The following ESRRB variants were observed in gnomAD, a reference collection of about 807,000 sequenced individuals.
ESRRB encodes steroid hormone receptor ERR2.
In ESRRB, 16 loss-of-function variants were observed where a neutral mutation model predicts 46.0. The observed-to-expected ratio is 0.35, with a 90% CI of 0.24 to 0.53. The LOEUF (loss-of-function observed/expected upper bound fraction) is 0.53, where lower values mean the gene tolerates loss of function less well. Ranked by LOEUF, ESRRB falls within the 20% of genes least tolerant of loss-of-function variation. The pLI is 0.93. For missense variants in ESRRB, 488 were observed against 607.4 expected (o/e 0.80, Z 2.07); for synonymous variants, 246 against 259.6 (o/e 0.95, Z 0.50).
At chr14:76,316,874 G>A (rs2139722606) in intron 1 of ESRRB, among the ~76,000 whole-genome samples, 1 of 152,272 alleles carries the variant, frequency 6.6e-6, no homozygotes, top group South Asian at 2.1e-4. Flanking sequence ...TATCTCTCCT[G>A]TGAATATTTC....
chr14:76,413,593 T>C (rs971236254), intron 1 of ESRRB, among the ~76,000 whole-genome samples: 2 of 152,152 alleles, frequency 1.3e-5, no homozygotes, highest in African/African-American at 2.4e-5. Context: ...GTCCCATGAA[T>C]GTGTGTGTGA....
intron 5 of ESRRB, among the ~76,000 whole-genome samples, chr14:76,491,019 T>C (rs924945556): frequency 2.6e-5 from 4 of 152,066 alleles, no homozygotes; most frequent in Admixed American, 2.6e-4. Flanking sequence ...AAGCCTCCCC[T>C]GGTTTGAGCA....
chr14:76,342,794 T>G (rs909989902), intron 1 of ESRRB, among the ~76,000 whole-genome samples: 1 of 152,230 alleles, frequency 6.6e-6, no homozygotes, highest in Admixed American at 6.5e-5. Flanking sequence ...TTTTGTTTGT[T>G]TAGAAAATTC....
chr14:76,462,514 A>C, intron 2 of ESRRB, 31 bp from the exon 3 acceptor site: 1 of 1,578,272 alleles, frequency 6.3e-7, no homozygotes. Flanking sequence ...GGCGGCCAGC[A>C]CCCGGCAACC....
At chr14:76,452,656 A>ACAAAC (rs1888443012) in intron 2 of ESRRB, among the ~76,000 whole-genome samples, 1 of 149,804 alleles carries the variant, frequency 6.7e-6, no homozygotes, top group Non-Finnish European at 1.5e-5. Flanking sequence ...AACAAAACAA[A>ACAAAC]AAAAAAGGTG....
intron 2 of ESRRB, among the ~76,000 whole-genome samples, chr14:76,455,019 C>A (rs528276090): frequency 2.6e-5 from 4 of 151,974 alleles, no homozygotes; most frequent in South Asian, 4.2e-4. Flanking sequence ...GAGTTTGAGA[C>A]CAGCCTGGCC....
At chr14:76,358,327 GAAAGAAAGAAAGA>G (rs1884413417) in intron 1 of ESRRB, among the ~76,000 whole-genome samples, 2 of 11,226 alleles carry the variant, frequency 1.8e-4, no homozygotes, top group East Asian at 3.1e-3. Flanking sequence ...AAAAAAAAAA[GAAAGAAAGAAAGA>G]AAGAAAGAAA....
chr14:76,401,320 T>A (rs1266382420), intron 1 of ESRRB, among the ~76,000 whole-genome samples: 1 of 152,212 alleles, frequency 6.6e-6, no homozygotes, highest in African/African-American at 2.4e-5. Flanking sequence ...CACCTCAGTG[T>A]CACCCAGCTG....
chr14:76,416,822 T>A (rs796607609), intron 1 of ESRRB, among the ~76,000 whole-genome samples: 10 of 152,138 alleles, frequency 6.6e-5, no homozygotes, highest in African/African-American at 2.4e-4. Context: ...CTACTATGTG[T>A]CTTGATTCTG....
rs772098220 is a variant in ESRRB, at chr14:76,500,323, G to A, written c.*1865G>A. 1 of 589,124 alleles carries A rather than the reference G, an allele frequency of 1.7e-6. No homozygotes were observed. Among genetic ancestry groups the A allele is most frequent in the Non-Finnish European group, 3.0e-6 (1 of 332,012 alleles). The allele number at this position is 589,124 out of a possible 1,614,324, so 36.5% of individuals were successfully genotyped here. A position where few individuals can be genotyped will look rare whatever the true frequency, so the allele number is the denominator to read the frequency against. The stretch of plus-strand genomic sequence containing the variant: ...CTTGCCTGTGGGGAATCGGGTCTGA[G>A]TCACTTGATGAGTAGGCACTGGAGC... On this transcript the variant is annotated 3_prime_UTR_variant, in exon 7 of 7. Transcript: ENST00000644823.
intron 1 of ESRRB, among the ~76,000 whole-genome samples, chr14:76,346,625 C>T (rs1298309033): frequency 6.6e-6 from 1 of 152,216 alleles, no homozygotes. Flanking sequence ...GCCCCTCCTT[C>T]CCATCCCTCA....
chr14:76,347,966 C>A (rs1472870307), intron 1 of ESRRB, among the ~76,000 whole-genome samples: 1 of 152,170 alleles, frequency 6.6e-6, no homozygotes, highest in Middle Eastern at 3.4e-3. Context: ...ATGGCTGTGT[C>A]CCTACAGATG....
chr14:76,377,041 A>T (rs1322925914), intron 1 of ESRRB, among the ~76,000 whole-genome samples: 1 of 152,074 alleles, frequency 6.6e-6, no homozygotes, highest in Non-Finnish European at 1.5e-5. Context: ...CGCCCGGGGG[A>T]TGCGGGCCCA....
Position 76,332,654 on chromosome 14 carries a change from A to T in ESRRB, c.2+21738A>T, listed in dbSNP as rs11159195. 5.6e-3 allele frequency among the ~76,000 whole-genome samples: 114 copies of T among 20,402 alleles called. 4 individuals carry two copies. Among genetic ancestry groups the T allele is most frequent in the African/African-American group, 0.012 (87 of 7,108 alleles). The allele number at this position is 20,402 out of a possible 152,430, so 13.4% of individuals were successfully genotyped here. A position where few individuals can be genotyped will look rare whatever the true frequency, so the allele number is the denominator to read the frequency against. The stretch of plus-strand genomic sequence containing the variant: ...ATTATATATATTTATATATTATATA[A>T]ATATATATTATATATATTTATATAT... On this transcript the variant is annotated intron_variant, in intron 1 of 6. Coordinates refer to the ESRRB transcript ENST00000512784.
chr14:76,376,235 GGCTCTCTGCCTCCCTCTCCC>G lies in ESRRB; in HGVS notation c.-166_-147del. 1 of 411,738 alleles carries G rather than the reference GGCTCTCTGCCTCCCTCTCCC, an allele frequency of 2.4e-6. No individual in the cohort carries two copies. Among genetic ancestry groups the G allele is most frequent in the South Asian group, 1.3e-4 (1 of 7,426 alleles). The allele number at this position is 411,738 out of a possible 1,614,324, so 25.5% of individuals were successfully genotyped here. ...GTGGAGAGCTGGGCTGTGCGCGCAC[GGCTCTCTGCCTCCCTCTCCC>G]CCGCCGCGGCCGCCTCCTCCCACTC... On this transcript the variant is annotated 5_prime_UTR_variant, in exon 1 of 7. It removes the in-frame stop codon of an upstream open reading frame in the 5' UTR. Transcript: ENST00000644823. This position sits in a 1 kb window ranked among gnomAD's most constrained non-coding sequence, Gnocchi z 4.1.
intron 3 of ESRRB, among the ~76,000 whole-genome samples, chr14:76,479,348 C>G (rs1330471806): frequency 6.6e-6 from 1 of 152,168 alleles, no homozygotes; most frequent in African/African-American, 2.4e-5. Context: ...GCCAAAGCAG[C>G]CGGTAGCTGG....
At chr14:76,477,742 G>GT (rs371201050) in intron 3 of ESRRB, among the ~76,000 whole-genome samples, 2 of 152,010 alleles carry the variant, frequency 1.3e-5, no homozygotes, top group African/African-American at 4.8e-5. Flanking sequence ...ACAGGCTACT[G>GT]TTTTTTTAAC....
intron 2 of ESRRB, among the ~76,000 whole-genome samples, chr14:76,447,573 C>A (rs1397062772): frequency 6.6e-6 from 1 of 152,180 alleles, no homozygotes; most frequent in Non-Finnish European, 1.5e-5. Flanking sequence ...AGAAGCACCC[C>A]AGTTGCACGA....
At chr14:76,367,984 G>A (rs1305915506), upstream of ESRRB, among the ~76,000 whole-genome samples, 7 of 123,874 alleles carry the variant, frequency 5.7e-5, no homozygotes, top group South Asian at 2.5e-4. Context: ...ACGGAGTCTC[G>A]CTCTGTCACC....
Sources: allele counts gnomAD v4.1 joint callset (sites outside exome capture counted in the v4.1 genomes callset), GRCh38; gene constraint gnomAD v4.1.1; non-coding constraint Gnocchi (gnomAD v3.1); transcripts MANE v1.5; gene names NCBI Gene and HGNC (gene_info 2026-07-23, HGNC 2026-07-21).